Variants in NUP205 observed in about 807,000 individuals in gnomAD.
The protein encoded by NUP205 is nucleoporin 205.
NUP205 carries 76 observed loss-of-function variants against 253.8 expected under a neutral mutation model. The ratio of observed to expected loss-of-function variants is 0.30; its 90% CI spans 0.25 to 0.36. The LOEUF (loss-of-function observed/expected upper bound fraction) is 0.36. NUP205 is among the 10% of genes least tolerant of loss of function. The probability of loss-of-function intolerance (pLI) is 1.00; values close to 1 mark genes in which losing one functional copy is unlikely to be tolerated. For synonymous variants in NUP205, 832 were observed against 850.1 expected, an observed-to-expected ratio of 0.98 and a Z score of 0.37; for missense variants, 2,162 against 2,425.5, an observed-to-expected ratio of 0.89 and a Z score of 2.28.
At position 135,622,836 on chromosome 7, in the gene NUP205, C is replaced by A; in HGVS notation, c.4390C>A (p.Arg1464=). 1 of 1,613,858 alleles carries A rather than the reference C, an allele frequency of 6.2e-7. No individual in the cohort carries two copies. The highest frequency in any genetic ancestry group is 8.5e-7 in the Non-Finnish European group (1 of 1,179,918). ...TGAAGATGTATTTAGCAAATTACAG[C>A]GAGAAAACATAGCCATTATTGAAAG... ...APEDVFSKLQ[R]ENIAIIESYG... is the part of the protein sequence containing the mutation. The change falls in exon 31 of 43, where the codon CGA becomes AGA. Residue 1464 remains arginine (R), a synonymous_variant. Transcript: ENST00000285968.
At position 135,645,479 on chromosome 7, in the gene NUP205, A is replaced by G; in HGVS notation, c.5695A>G (p.Thr1899Ala). ...LLSLCSFIIE[T>A]CLFILWRHLE... Reference sequence around the variant, plus strand: ...GAGCTCTGGTATAGTTATCATAGAGACCTGCCTATTTATTCTTTGGCGCCA... The same window carrying G: ...GAGCTCTGGTATAGTTATCATAGAGGCCTGCCTATTTATTCTTTGGCGCCA... The change falls in exon 41 of 43, where the codon ACC (threonine) becomes GCC (alanine). Residue 1899 changes from threonine to alanine, a missense_variant. Transcript: ENST00000285968. 6.2e-7 allele frequency: 1 copy of G among 1,613,844 alleles called. No homozygotes were observed. The highest frequency in any genetic ancestry group is 1.1e-5 in the South Asian group (1 of 91,060).
rs1469138305 is a variant in NUP205 at position 135,607,265 on chromosome 7, G to A, written c.3089G>A (p.Arg1030Gln). The change falls in exon 22 of 43, where the codon CGG (arginine) becomes CAG (glutamine). Residue 1030 changes from arginine to glutamine, a missense_variant. Physicochemically the swap from Arg to Gln is conservative, Grantham distance 43. This residue lies in a region of NUP205 where 1,144 missense variants were observed against 1,280.9 expected (regional missense o/e 0.89). Transcript: ENST00000285968. ...CATGCAGGAGTGTTAGGTTGCCCTC[G>A]GACATGCCTTCACGCCATTCTAAAC... ...LQDPGVLGCP[R>Q]TCLHAILNIL... 2.1e-5 allele frequency: 34 copies of A among 1,613,858 alleles called. No homozygotes were observed. Among genetic ancestry groups the A allele is most frequent in the Non-Finnish European group, 2.9e-5 (34 of 1,179,956 alleles).
chr7:135,578,436 C>G (rs1045401642), intron 6 of NUP205, among the ~76,000 whole-genome samples: 1 of 152,162 alleles, frequency 6.6e-6, no homozygotes, highest in East Asian at 1.9e-4. Context: ...CTTTAGATAG[C>G]ATGATTTCTA....
chr7:135,570,066 G>GAT (rs1805908449), intron 1 of NUP205, among the ~76,000 whole-genome samples: 1 of 147,486 alleles, frequency 6.8e-6, no homozygotes, highest in Non-Finnish European at 1.5e-5. Context: ...GAGAGAGAGA[G>GAT]AGAGAGAGAG....
chr7:135,586,983 G>T (rs1326387018), intron 8 of NUP205, among the ~76,000 whole-genome samples: 1 of 150,774 alleles, frequency 6.6e-6, no homozygotes, highest in Non-Finnish European at 1.5e-5. Context: ...GATTTTCTGT[G>T]TACTTGTTCC....
intron 24 of NUP205, 74 bp downstream of exon 24, chr7:135,616,139 C>CT: frequency 7.1e-7 from 1 of 1,418,266 alleles, no homozygotes; most frequent in Non-Finnish European, 9.7e-7. Flanking sequence ...GAAGCTTGTG[C>CT]TTAGTATGTG....
At chr7:135,562,946 C>T (rs948780798) in intron 1 of NUP205, among the ~76,000 whole-genome samples, 35 of 152,122 alleles carry the variant, frequency 2.3e-4, no homozygotes, top group African/African-American at 4.6e-4. Context: ...TTTGACATGC[C>T]GCATTCCCTC....
chr7:135,597,983 C>T lies in NUP205; in HGVS notation c.2065-15C>T. 6.2e-7 allele frequency: 1 copy of T among 1,608,738 alleles called. No homozygotes were observed. Among genetic ancestry groups the T allele is most frequent in the East Asian group, 2.2e-5 (1 of 44,856 alleles). On this transcript the variant is annotated splice_polypyrimidine_tract_variant and intron_variant, in intron 14 of 42. Coordinates refer to ENST00000285968, the MANE Select transcript of NUP205 (RefSeq NM_015135.3). The stretch of plus-strand genomic sequence containing the variant: ...TAGTTTTTATTACCAAGTTTTCTTT[C>T]TTTTTCTTTGGAAGGTTGAACTAAA...
chr7:135,591,634 G>A, intron 11 of NUP205, 34 bp downstream of exon 11: 1 of 1,593,490 alleles, frequency 6.3e-7, no homozygotes, highest in South Asian at 1.1e-5. Context: ...AAAGTTTGTT[G>A]TTATACTCTT....
chr7:135,610,349 T>C (rs944793986), intron 22 of NUP205, among the ~76,000 whole-genome samples: 8 of 152,202 alleles, frequency 5.3e-5, no homozygotes, highest in Admixed American at 6.5e-5. Flanking sequence ...GCCTCCCAAG[T>C]AGCAGGGATT....
chr7:135,619,245 G>A (rs923632675), intron 28 of NUP205, among the ~76,000 whole-genome samples, 178 bp from the exon 29 acceptor site: 3 of 151,904 alleles, frequency 2.0e-5, no homozygotes, highest in Admixed American at 2.0e-4. Flanking sequence ...GGGAGGCTGA[G>A]GTGGGAAGAC....
At chr7:135,629,483 C>CTCTCTCTCTCTCTCTCTCTCTCTCTG in intron 34 of NUP205, among the ~76,000 whole-genome samples, 4 of 132,626 alleles carry the variant, frequency 3.0e-5, no homozygotes, top group Non-Finnish European at 5.1e-5. Context: ...CTCTCTCTCT[C>CTCTCTCTCTCTCTCTCTCTCTCTCTG]TCTCTCTCTC....
rs745953094 is a variant in NUP205 at position 135,578,933 on chromosome 7, A to G, written c.1042+18A>G. 6.4e-7 allele frequency: 1 copy of G among 1,564,786 alleles called. No individual in the cohort carries two copies. The highest frequency in any genetic ancestry group is 1.2e-5 in the South Asian group (1 of 83,284). ...TGTGACAGGTGAATTGATTGTAGGT[A>G]ATTTTGTTATGAGAAACAGCATGTT... On this transcript the variant is annotated intron_variant, in intron 7 of 42. Coordinates refer to ENST00000285968, the MANE Select transcript of NUP205 (RefSeq NM_015135.3).
At chr7:135,624,528 A>G (rs993687021) in intron 31 of NUP205, among the ~76,000 whole-genome samples, 8 of 152,184 alleles carry the variant, frequency 5.3e-5, no homozygotes, top group Non-Finnish European at 1.2e-4. Flanking sequence ...GGTGCCCACC[A>G]CCACGCCCAG....
chr7:135,573,941 T>C, intron 3 of NUP205, 116 bp downstream of exon 3: 2 of 794,550 alleles, frequency 2.5e-6, no homozygotes, highest in Non-Finnish European at 3.9e-6. Flanking sequence ...TGCAGTTTGG[T>C]AAAACCATAT....
intron 1 of NUP205, among the ~76,000 whole-genome samples, chr7:135,564,552 T>G (rs1563106680): frequency 1.3e-5 from 2 of 151,530 alleles, no homozygotes; most frequent in African/African-American, 4.9e-5. Context: ...CCGGCCTGTT[T>G]TTTTTTTAAA....
intron 41 of NUP205, 22 bp from the exon 42 acceptor site, chr7:135,646,136 G>A: frequency 6.4e-7 from 1 of 1,559,578 alleles, no homozygotes; most frequent in Admixed American, 1.7e-5. Context: ...CAGCCGGTAT[G>A]ACTCTGTTTT....
Position 135,576,994 on chromosome 7 carries a change from C to G in NUP205, c.514C>G (p.Arg172Gly), listed in dbSNP as rs752649047. The G allele has an allele frequency of 1.9e-6, 3 of 1,613,574 alleles. No homozygotes were observed. Among genetic ancestry groups the G allele is most frequent in the East Asian group, 2.2e-5 (1 of 44,890 alleles). ...TCCAGAGCTGGCTTCCATGACAACA[C>G]GCTTTACAGATGAGCTGATGGAGCA... ...LSPELASMTT[R>G]FTDELMEQGL... The change falls in exon 5 of 43, where the codon CGC becomes GGC. Residue 172 changes from arginine to glycine, a missense_variant. This residue lies in a region of NUP205 where 892 missense variants were observed against 957.1 expected (regional missense o/e 0.93). Coordinates refer to ENST00000285968, the MANE Select transcript of NUP205 (RefSeq NM_015135.3).
At position 135,570,882 on chromosome 7, in the gene NUP205, A is replaced by G. The variant is rs1484317347; in HGVS notation, c.29-223A>G. 9.0e-5 allele frequency among the ~76,000 whole-genome samples: 11 copies of G among 122,012 alleles called. 1 individual carries two copies. In the South Asian group the frequency reaches 2.2e-3, roughly 25 times the overall value. The allele number at this position is 122,012 out of a possible 152,430, so 80.0% of individuals were successfully genotyped here. A position where few individuals can be genotyped will look rare whatever the true frequency, so the allele number is the denominator to read the frequency against. ...TATATAAATATAAAATATATGTAATATATTATATATTATATATTTATATAT... is the reference window on the plus strand; with the variant it reads ...TATATAAATATAAAATATATGTAATGTATTATATATTATATATTTATATAT... On this transcript the variant is annotated intron_variant, in intron 1 of 42. Transcript: ENST00000285968.
Sources: allele counts gnomAD v4.1 joint callset (sites outside exome capture counted in the v4.1 genomes callset), GRCh38; gene constraint gnomAD v4.1.1; regional missense constraint gnomAD v4.1.1; transcripts MANE v1.5; gene names NCBI Gene and HGNC (gene_info 2026-07-23, HGNC 2026-07-21).